ZCCHC7: variants seen among roughly 807,000 people sequenced by gnomAD.
ZCCHC7 encodes the protein zinc finger CCHC-type containing 7.
A neutral mutation model predicts 52.0 loss-of-function variants in ZCCHC7; 35 were observed. The observed-to-expected ratio is 0.67, with a 90% CI of 0.51 to 0.89. The LOEUF (loss-of-function observed/expected upper bound fraction) is 0.89. Ranked by LOEUF, ZCCHC7 falls within the 40% of genes least tolerant of loss-of-function variation. The pLI, the probability that ZCCHC7 is intolerant of heterozygous loss-of-function variation, is 0.00. For missense variants in ZCCHC7, 574 were observed against 649.1 expected (o/e 0.88, Z 1.26); for synonymous variants, 217 against 221.5 (o/e 0.98, Z 0.18).
intron 2 of ZCCHC7, among the ~76,000 whole-genome samples, chr9:37,280,050 A>T (rs2133561879): frequency 6.6e-6 from 1 of 152,184 alleles, no homozygotes; most frequent in African/African-American, 2.4e-5. Context: ...CTGAGGCAGG[A>T]GAATGGCGCG....
chr9:37,129,611 C>T (rs760111686), intron 2 of ZCCHC7, among the ~76,000 whole-genome samples: 28 of 152,104 alleles, frequency 1.8e-4, no homozygotes, highest in Admixed American at 7.2e-4. Flanking sequence ...GAGAAAATCT[C>T]AAGTACTTTA....
intron 2 of ZCCHC7, among the ~76,000 whole-genome samples, chr9:37,199,694 G>T (rs374429362): frequency 0.066 from 4,722 of 71,132 alleles, 244 homozygotes; most frequent in African/African-American, 0.21. Flanking sequence ...CTGTCTTTCT[G>T]TCTGTCTTTC....
intron 2 of ZCCHC7, among the ~76,000 whole-genome samples, chr9:37,217,385 T>C (rs1012549079): frequency 3.9e-5 from 6 of 152,188 alleles, no homozygotes; most frequent in Non-Finnish European, 8.8e-5. Context: ...TTTTAGTCTA[T>C]GTGAGTCATG....
Position 37,126,408 on chromosome 9 carries a change from A to C in ZCCHC7, c.76A>C (p.Ser26Arg). 6.2e-7 allele frequency: 1 copy of C among 1,613,998 alleles called. No individual in the cohort carries two copies. Among genetic ancestry groups the C allele is most frequent in the Non-Finnish European group, 8.5e-7 (1 of 1,180,016 alleles). ...TCGAGATGAGTCATCTAGTGAACTGAGTGTTGATAGTGAGGTGGAATTTCA... is the reference window on the plus strand; with the variant it reads ...TCGAGATGAGTCATCTAGTGAACTGCGTGTTGATAGTGAGGTGGAATTTCA... The part of the protein sequence containing the change: ...LYRDESSSEL[S>R]VDSEVEFQLY... Residue 26 changes from serine to arginine, a missense_variant, in exon 2 of 9, where the codon AGT (serine) becomes CGT (arginine). Ser to Arg is a moderately radical substitution (Grantham distance 110). Coordinates refer to ENST00000336755, the MANE Select transcript of ZCCHC7 (RefSeq NM_032226.3).
chr9:37,221,880 A>G (rs1265262009), intron 2 of ZCCHC7, among the ~76,000 whole-genome samples: 1 of 152,176 alleles, frequency 6.6e-6, no homozygotes, highest in African/African-American at 2.4e-5. Flanking sequence ...TTATTCATTT[A>G]CTCAAATATG....
At chr9:37,166,286 C>T (rs1821415337) in intron 2 of ZCCHC7, among the ~76,000 whole-genome samples, 1 of 152,192 alleles carries the variant, frequency 6.6e-6, no homozygotes, top group Non-Finnish European at 1.5e-5. Context: ...GTCCCAGGTA[C>T]TCGGGAGGCT....
intron 5 of ZCCHC7, among the ~76,000 whole-genome samples, chr9:37,322,095 A>G (rs1252055408): frequency 6.6e-6 from 1 of 152,260 alleles, no homozygotes; most frequent in Admixed American, 6.5e-5. Flanking sequence ...TGAAGACAGG[A>G]ACTCAGAAAG....
At chr9:37,346,766 A>C (rs565958264) in intron 6 of ZCCHC7, among the ~76,000 whole-genome samples, 10 of 152,220 alleles carry the variant, frequency 6.6e-5, no homozygotes, top group Non-Finnish European at 1.3e-4. Flanking sequence ...ACTTGACCCC[A>C]GGAGTTCCAG....
chr9:37,268,812 A>G (rs146169429), intron 2 of ZCCHC7, among the ~76,000 whole-genome samples: 1 of 152,348 alleles, frequency 6.6e-6, no homozygotes, highest in African/African-American at 2.4e-5. Context: ...AATTCTGAAT[A>G]GGGTGCCATC....
At chr9:37,161,585 G>GA (rs999147438) in intron 2 of ZCCHC7, among the ~76,000 whole-genome samples, 10 of 151,134 alleles carry the variant, frequency 6.6e-5, no homozygotes, top group African/African-American at 2.4e-4. Context: ...AAAAAAAAAA[G>GA]AAAAAAAAGT....
chr9:37,320,476 C>A (rs1214869480), intron 5 of ZCCHC7, among the ~76,000 whole-genome samples: 1 of 152,132 alleles, frequency 6.6e-6, no homozygotes, highest in African/African-American at 2.4e-5. Flanking sequence ...ACAATAATTT[C>A]TGATAGGATT....
At chr9:37,327,977 T>A (rs1830318101) in intron 6 of ZCCHC7, 143 bp downstream of exon 6, 1 of 860,522 alleles carries the variant, frequency 1.2e-6, no homozygotes, top group Non-Finnish European at 1.8e-6. Flanking sequence ...AAAGCAATAA[T>A]ACACTTTTTC....
chr9:37,317,659 AAAGT>A (rs1195006718), intron 5 of ZCCHC7, among the ~76,000 whole-genome samples: 1 of 152,216 alleles, frequency 6.6e-6, no homozygotes, highest in Non-Finnish European at 1.5e-5. Context: ...AATCAGAAGA[AAAGT>A]AAGACAAAGG....
chr9:37,206,367 C>A (rs898326885), intron 2 of ZCCHC7, among the ~76,000 whole-genome samples: 1 of 151,238 alleles, frequency 6.6e-6, no homozygotes, highest in Admixed American at 6.6e-5. Flanking sequence ...TCACCTTTCC[C>A]GCTTCGTTTT....
chr9:37,213,937 A>G lies in ZCCHC7; in HGVS notation c.610+86995A>G, dbSNP rs532003670. Among the ~76,000 whole-genome samples the G allele has an allele frequency of 3.6e-4, 55 of 152,178 alleles. 1 individual carries two copies. In the South Asian group the frequency reaches 7.1e-3, roughly 20 times the overall value. On this transcript the variant is annotated intron_variant, in intron 2 of 8. Coordinates refer to ENST00000336755, the MANE Select transcript of ZCCHC7 (RefSeq NM_032226.3). The stretch of plus-strand genomic sequence containing the variant: ...GCTAGTTGGGAATCGGAGATGATAG[A>G]TAGCTTTTTCTAAGTTTTTAGGTCC...
At chr9:37,263,804 C>G (rs1237683034) in intron 2 of ZCCHC7, among the ~76,000 whole-genome samples, 1 of 152,168 alleles carries the variant, frequency 6.6e-6, no homozygotes, top group African/African-American at 2.4e-5. Context: ...CCAATCAATT[C>G]AGTTTTGATA....
chr9:37,291,268 T>G (rs976855615), intron 2 of ZCCHC7, among the ~76,000 whole-genome samples: 1 of 152,222 alleles, frequency 6.6e-6, no homozygotes, highest in Non-Finnish European at 1.5e-5. Flanking sequence ...GAACTTCATC[T>G]TTTAAGTAAT....
At chr9:37,316,471 C>G (rs986399864) in intron 5 of ZCCHC7, among the ~76,000 whole-genome samples, 1 of 149,902 alleles carries the variant, frequency 6.7e-6, no homozygotes, top group Non-Finnish European at 1.5e-5. Flanking sequence ...ACTACAGGCA[C>G]GCACTACCCT....
intron 2 of ZCCHC7, among the ~76,000 whole-genome samples, chr9:37,231,699 G>A (rs2133314497): frequency 6.6e-6 from 1 of 152,082 alleles, no homozygotes; most frequent in Middle Eastern, 3.4e-3. Flanking sequence ...CTATCACAAT[G>A]GTCAAGTATT....
Sources: gnomAD v4.1 joint callset for allele counts (sites outside exome capture counted in the v4.1 genomes callset) on GRCh38, gnomAD v4.1.1 for gene constraint, MANE v1.5 for transcripts, NCBI Gene and HGNC (gene_info 2026-07-23, HGNC 2026-07-21) for gene names.